The following MLXIP variants were observed in gnomAD, a reference collection of about 807,000 sequenced individuals.
MLXIP encodes the protein MLX interacting protein, also known as MLX-interacting protein.
Under a neutral mutation model 87.2 loss-of-function variants are expected in MLXIP, and 30 were observed. That is an observed-to-expected ratio of 0.34 (90% CI 0.26 to 0.47). The LOEUF (loss-of-function observed/expected upper bound fraction) is 0.47, where lower values mean the gene tolerates loss of function less well. Among genes scored for constraint, MLXIP ranks in the 20% least tolerant of loss-of-function variants. The pLI is 1.00. For synonymous variants in MLXIP, 530 were observed against 514.0 expected, an observed-to-expected ratio of 1.03 and a Z score of -0.42; for missense variants, 1,002 against 1,240.1, an observed-to-expected ratio of 0.81 and a Z score of 2.88.
Position 122,128,093 on chromosome 12 carries a change from A to G in MLXIP, c.606+125A>G, listed in dbSNP as rs933407665. The G allele has an allele frequency of 1.1e-5, 9 of 794,730 alleles. No individual in the cohort carries two copies. In the African/African-American group the frequency reaches 1.5e-4, roughly 14 times the overall value. The allele number at this position is 794,730 out of a possible 1,614,324, so 49.2% of individuals were successfully genotyped here. Reference sequence around the variant, plus strand: ...GGTAGTGCAGCGCCTGCCCTGCGCCATCCATGCCCTGGGGGCCAGGCCTGG... The same window carrying G: ...GGTAGTGCAGCGCCTGCCCTGCGCCGTCCATGCCCTGGGGGCCAGGCCTGG... On this transcript the variant is annotated intron_variant, in intron 3 of 16. Transcript: ENST00000319080.
At chr12:122,116,437 C>A (rs28489901) in intron 1 of MLXIP, among the ~76,000 whole-genome samples, 6,051 of 152,272 alleles carry the variant, frequency 0.04, 172 homozygotes, top group Middle Eastern at 0.12. Flanking sequence ...ACATGGCTAA[C>A]GCGCAGGTTT....
In MLXIP at chr12:122,137,768, G is replaced by T; in HGVS notation, c.2154+178G>T. 1 of 547,024 alleles carries T rather than the reference G, an allele frequency of 1.8e-6. No homozygotes were observed. The highest frequency in any genetic ancestry group is 2.3e-6 in the Non-Finnish European group (1 of 429,664). The allele number at this position is 547,024 out of a possible 1,614,324, so 33.9% of individuals were successfully genotyped here. A position where few individuals can be genotyped will look rare whatever the true frequency, so the allele number is the denominator to read the frequency against. ...CACGAACCAGCCCTGTGGGGATGGTGGGCCCCCTGGAGGCTTTTGGGTGAG... is the reference window on the plus strand; with the variant it reads ...CACGAACCAGCCCTGTGGGGATGGTTGGCCCCCTGGAGGCTTTTGGGTGAG... On this transcript the variant is annotated intron_variant, in intron 12 of 16. Coordinates refer to ENST00000319080, the MANE Select transcript of MLXIP (RefSeq NM_014938.6). The surrounding 1 kb of genome is among the most constrained non-coding windows in gnomAD (Gnocchi z 4.1).
At chr12:122,093,063 ATGTGTTGGTGTGTTTGCTGTG>A (rs1323377264) in intron 1 of MLXIP, among the ~76,000 whole-genome samples, 1 of 115,820 alleles carries the variant, frequency 8.6e-6, no homozygotes, top group Non-Finnish European at 1.8e-5. Flanking sequence ...TGTGGTGTGC[ATGTGTTGGTGTGTTTGCTGTG>A]TGTGTTGGTG....
At chr12:122,112,481 A>G (rs1316645527) in intron 1 of MLXIP, among the ~76,000 whole-genome samples, 2 of 151,880 alleles carry the variant, frequency 1.3e-5, no homozygotes, top group Non-Finnish European at 1.5e-5. Context: ...TACTAAAAAT[A>G]TATATATAAA....
Position 122,094,667 on chromosome 12 carries a change from CA to C in MLXIP, c.413+15402del, listed in dbSNP as rs1952319710. On this transcript the variant is annotated intron_variant, in intron 1 of 16. Coordinates refer to ENST00000319080, the MANE Select transcript of MLXIP (RefSeq NM_014938.6). ...TGTGTGTGGTGTGTTGGTGTGTGTGCAGGTGTGTGTGCGATGTCTGTTGTGT... is the reference window on the plus strand; with the variant it reads ...TGTGTGTGGTGTGTTGGTGTGTGTGCGGTGTGTGTGCGATGTCTGTTGTGT... Among the ~76,000 whole-genome samples the C allele has an allele frequency of 3.9e-5, 4 of 103,238 alleles. No homozygotes were observed. The East Asian group carries it at 1.3e-3, about 32-fold the overall frequency. The allele number at this position is 103,238 out of a possible 152,430, so 67.7% of individuals were successfully genotyped here.
At chr12:122,104,413 T>C (rs1158986799) in intron 1 of MLXIP, among the ~76,000 whole-genome samples, 1 of 152,138 alleles carries the variant, frequency 6.6e-6, no homozygotes, top group Non-Finnish European at 1.5e-5. Context: ...CTCGCTTCCT[T>C]TGTTCGGCAT....
chr12:122,092,063 TC>T (rs2135906186), intron 1 of MLXIP, among the ~76,000 whole-genome samples: 1 of 151,584 alleles, frequency 6.6e-6, no homozygotes, highest in East Asian at 1.9e-4. Flanking sequence ...TTTTCCCCTT[TC>T]TTTTTCTTTC....
At chr12:122,082,102 G>A (rs925597904) in intron 1 of MLXIP, among the ~76,000 whole-genome samples, 1 of 152,322 alleles carries the variant, frequency 6.6e-6, no homozygotes, top group Admixed American at 6.5e-5. Context: ...AACTGGCAGG[G>A]CTTCACCTCC....
rs765470336 is a variant in MLXIP at position 122,135,463 on chromosome 12, G to A, written c.1855-26G>A. ...CCCTGCTGTATATCAGCAGTCAGGG[G>A]TGACCTGTCTCCCATGTCACTGCAG... On this transcript the variant is annotated intron_variant, in intron 10 of 16. Coordinates refer to ENST00000319080, the MANE Select transcript of MLXIP (RefSeq NM_014938.6). The surrounding 1 kb of genome is among the most constrained non-coding windows in gnomAD (Gnocchi z 5.3). 2.5e-6 allele frequency: 4 copies of A among 1,609,400 alleles called. No individual in the cohort carries two copies. Among genetic ancestry groups the A allele is most frequent in the East Asian group, 2.2e-5 (1 of 44,738 alleles).
At chr12:122,082,785 A>T (rs1952110010) in intron 1 of MLXIP, among the ~76,000 whole-genome samples, 1 of 152,168 alleles carries the variant, frequency 6.6e-6, no homozygotes, top group East Asian at 1.9e-4. Context: ...TGCCCTCTTG[A>T]CACTGTAAGG....
intron 1 of MLXIP, among the ~76,000 whole-genome samples, chr12:122,092,164 C>A (rs1217736116): frequency 1.3e-5 from 2 of 151,790 alleles, no homozygotes; most frequent in African/African-American, 4.8e-5. Context: ...GTGGCGCGAT[C>A]TCAGCTCATT....
chr12:122,082,888 A>G (rs1435622306), intron 1 of MLXIP, among the ~76,000 whole-genome samples: 1 of 152,184 alleles, frequency 6.6e-6, no homozygotes, highest in African/African-American at 2.4e-5. Context: ...TGATGTGATC[A>G]CAGCTCACTG....
At position 122,134,182 on chromosome 12, in the gene MLXIP, T is replaced by C. The variant is rs1953039027; in HGVS notation, c.1732+195T>C. 7 of 689,990 alleles carry C rather than the reference T, an allele frequency of 1.0e-5. No homozygotes were observed. In the South Asian group the frequency reaches 1.5e-4, roughly 14 times the overall value. The allele number at this position is 689,990 out of a possible 1,614,324, so 42.7% of individuals were successfully genotyped here. ...ATGATCTAGTCCGTTTTCTATGCTC[T>C]ATCTTTTTTGTTTTTTTGTTTGGTT... is the stretch of plus-strand genomic sequence containing the variant. On this transcript the variant is annotated intron_variant, in intron 9 of 16. Coordinates refer to ENST00000319080, the MANE Select transcript of MLXIP (RefSeq NM_014938.6).
intron 1 of MLXIP, among the ~76,000 whole-genome samples, chr12:122,100,013 A>G (rs1483588148): frequency 1.3e-5 from 2 of 152,184 alleles, no homozygotes; most frequent in East Asian, 1.9e-4. Context: ...GGAAATGCAG[A>G]GTGCAAAAAC....
At chr12:122,094,359 C>T (rs1168600338) in intron 1 of MLXIP, among the ~76,000 whole-genome samples, 10 of 94,076 alleles carry the variant, frequency 1.1e-4, no homozygotes, top group African/African-American at 1.7e-4. Flanking sequence ...TGTATGTTTG[C>T]GGTGGGTGTA....
At position 122,130,989 on chromosome 12, in the gene MLXIP, A is replaced by G. The variant is rs1952968160; in HGVS notation, c.1000+56A>G. On this transcript the variant is annotated intron_variant, in intron 7 of 16. Transcript: ENST00000319080. ...GCCTCCATCTCCCCCAGCCCAGCAC[A>G]GAGCAGATCGCTGCCTTCCTTTAAG... is the stretch of plus-strand genomic sequence containing the variant. The G allele has an allele frequency of 3.3e-5, 38 of 1,162,560 alleles. 1 individual carries two copies. In the South Asian group the frequency reaches 4.2e-4, roughly 13 times the overall value. The allele number at this position is 1,162,560 out of a possible 1,614,324, so 72.0% of individuals were successfully genotyped here.
chr12:122,084,123 G>A (rs1422912102), intron 1 of MLXIP, among the ~76,000 whole-genome samples: 2 of 150,190 alleles, frequency 1.3e-5, no homozygotes, highest in African/African-American at 4.9e-5. Context: ...TGACACTACC[G>A]GGAAGGATAT....
At position 122,079,256 on chromosome 12, in the gene MLXIP, T is replaced by G. The variant is rs1027969963; in HGVS notation, c.403T>G (p.Leu135Val). 6.5e-7 allele frequency: 1 copy of G among 1,550,224 alleles called. No homozygotes were observed. Among genetic ancestry groups the G allele is most frequent in the Non-Finnish European group, 8.7e-7 (1 of 1,146,300 alleles). The change falls in exon 1 of 17, where the codon TTG becomes GTG. Residue 135 changes from leucine (L) to valine (V), a missense_variant. Coordinates refer to ENST00000319080, the MANE Select transcript of MLXIP (RefSeq NM_014938.6). ...SLTKLFECMT[L>V]AYSGKLVSPK... ...CACCAAGCTCTTCGAGTGCATGACT[T>G]TGGCCTACAGGTAGGGACCCCCGCG...
chr12:122,130,253 A>T, intron 6 of MLXIP, 141 bp downstream of exon 6: 1 of 881,060 alleles, frequency 1.1e-6, no homozygotes, highest in Non-Finnish European at 1.7e-6. Flanking sequence ...GAAGGGAAGG[A>T]TGGCTGGCCT....
Sources: allele counts gnomAD v4.1 joint callset (sites outside exome capture counted in the v4.1 genomes callset), GRCh38; gene constraint gnomAD v4.1.1; non-coding constraint Gnocchi (gnomAD v3.1); transcripts MANE v1.5; gene names NCBI Gene and HGNC (gene_info 2026-07-23, HGNC 2026-07-21).